The following PAIP2B variants were observed in gnomAD, a reference collection of about 807,000 sequenced individuals.
PAIP2B encodes the protein polyadenylate-binding protein-interacting protein 2B.
In PAIP2B, 13 loss-of-function variants were observed where a neutral mutation model predicts 17.0. That is an observed-to-expected ratio of 0.76 (90% CI 0.50 to 1.22). PAIP2B has a LOEUF of 1.22. PAIP2B is among the 50% of genes most tolerant of loss of function. PAIP2B has a pLI of 0.00. For missense variants in PAIP2B, 117 were observed against 144.5 expected, an observed-to-expected ratio of 0.81 and a Z score of 0.98; for synonymous variants, 43 against 48.7, an observed-to-expected ratio of 0.88 and a Z score of 0.48.
intron 1 of PAIP2B, among the ~76,000 whole-genome samples, chr2:71,212,504 AG>A (rs1044523119): frequency 5.3e-5 from 8 of 152,242 alleles, no homozygotes; most frequent in Admixed American, 3.9e-4. Flanking sequence ...CTTAGGGGTT[AG>A]GATCTGTAAG....
chr2:71,215,598 T>C (rs937518583), intron 1 of PAIP2B, among the ~76,000 whole-genome samples: 4 of 152,198 alleles, frequency 2.6e-5, no homozygotes, highest in African/African-American at 9.7e-5. Flanking sequence ...CTTCAAACAG[T>C]CTAGGCTGAA....
At chr2:71,208,733 T>C (rs1675210549) in intron 1 of PAIP2B, among the ~76,000 whole-genome samples, 1 of 151,974 alleles carries the variant, frequency 6.6e-6, no homozygotes, top group African/African-American at 2.4e-5. Flanking sequence ...AATTCAATGA[T>C]AGGTATATAA....
At position 71,185,821 on chromosome 2, in the gene PAIP2B, G is replaced by GTT. The variant is rs71400985; in HGVS notation, c.*2656_*2657dup. The GTT allele has an allele frequency of 6.6e-6, 1 of 151,894 alleles. No homozygotes were observed. The highest frequency in any genetic ancestry group is 2.4e-5 in the African/African-American group (1 of 41,308). 9.4% of individuals were successfully genotyped at this position (151,894 alleles called of 1,614,324 possible). ...AGAAACTGAAAATGCATTCATTTGG[G>GTT]TTTTTTCCCTTGAAAAGAAAGAGAT... On this transcript the variant is annotated 3_prime_UTR_variant, in exon 4 of 4. Coordinates refer to ENST00000244221, the MANE Select transcript of PAIP2B (RefSeq NM_020459.1).
chr2:71,207,505 G>C (rs968790863), intron 1 of PAIP2B, among the ~76,000 whole-genome samples: 1 of 152,110 alleles, frequency 6.6e-6, no homozygotes, highest in Non-Finnish European at 1.5e-5. Flanking sequence ...AAGGAGTTCT[G>C]AAACTCCTTA....
chr2:71,202,074 C>T (rs574658447), intron 2 of PAIP2B, among the ~76,000 whole-genome samples: 5 of 152,342 alleles, frequency 3.3e-5, no homozygotes, highest in African/African-American at 1.2e-4. Flanking sequence ...CAGGGACCCT[C>T]TGCAGTAGTT....
At chr2:71,199,385 G>A (rs947920165) in intron 2 of PAIP2B, among the ~76,000 whole-genome samples, 1 of 149,844 alleles carries the variant, frequency 6.7e-6, no homozygotes, top group Non-Finnish European at 1.5e-5. Flanking sequence ...GACACCCAAC[G>A]GGAAAATGAC....
intron 1 of PAIP2B, 101 bp from the exon 2 acceptor site, chr2:71,202,701 TC>T: frequency 1.9e-6 from 2 of 1,056,458 alleles, no homozygotes; most frequent in South Asian, 1.6e-5. Flanking sequence ...AAATTCTAAG[TC>T]AAAGATTTTA....
chr2:71,208,388 A>G (rs898024736), intron 1 of PAIP2B, among the ~76,000 whole-genome samples: 5 of 151,740 alleles, frequency 3.3e-5, no homozygotes, highest in African/African-American at 7.3e-5. Flanking sequence ...GCGCCATCGC[A>G]CTCCAGACTG....
At position 71,184,100 on chromosome 2, in the gene PAIP2B, C is replaced by A. The variant is rs1380205211; in HGVS notation, c.*4379G>T. On this transcript the variant is annotated 3_prime_UTR_variant, in exon 4 of 4. Transcript: ENST00000244221. ...ACATTTTAGTAACTGTACACTAGTACAATGTTTTTAAGATTTTATCTCATT... is the reference window on the plus strand; with the variant it reads ...ACATTTTAGTAACTGTACACTAGTAAAATGTTTTTAAGATTTTATCTCATT... The A allele has an allele frequency of 2.0e-5, 3 of 152,054 alleles. No individual in the cohort carries two copies. The highest frequency in any genetic ancestry group is 4.4e-5 in the Non-Finnish European group (3 of 68,028). 9.4% of individuals were successfully genotyped at this position (152,054 alleles called of 1,614,324 possible).
At position 71,199,867 on chromosome 2, in the gene PAIP2B, GT is replaced by G. The variant is rs551905061; in HGVS notation, c.138+2584del. ...ATAGCAAGACCCCATTTCTTAAAAA[GT>G]TTTGTATGTGTGTGGGTGTTGGAGG... On this transcript the variant is annotated intron_variant, in intron 2 of 3. Transcript: ENST00000244221. Among the ~76,000 whole-genome samples the G allele has an allele frequency of 4.6e-5, 7 of 152,176 alleles. No individual in the cohort carries two copies. In the South Asian group the frequency reaches 1.4e-3, roughly 32 times the overall value.
chr2:71,208,975 T>C (rs1675218400), intron 1 of PAIP2B, among the ~76,000 whole-genome samples: 1 of 152,188 alleles, frequency 6.6e-6, no homozygotes, highest in Non-Finnish European at 1.5e-5. Context: ...AAATGTTGTT[T>C]TAAGATACCA....
At chr2:71,209,364 C>T (rs1410919415) in intron 1 of PAIP2B, among the ~76,000 whole-genome samples, 4 of 152,170 alleles carry the variant, frequency 2.6e-5, no homozygotes, top group Admixed American at 2.6e-4. Context: ...ACAGGTTATA[C>T]ATACAGGAGG....
chr2:71,196,237 A>G (rs1277723658), intron 2 of PAIP2B, among the ~76,000 whole-genome samples: 1 of 152,082 alleles, frequency 6.6e-6, no homozygotes, highest in Non-Finnish European at 1.5e-5. Flanking sequence ...CTTATTTTCA[A>G]ATAACTTGAT....
At chr2:71,202,313 G>A (rs1426830917) in intron 2 of PAIP2B, 139 bp downstream of exon 2, 3 of 1,042,400 alleles carry the variant, frequency 2.9e-6, no homozygotes, top group East Asian at 2.5e-5. Context: ...CATTCCAGAT[G>A]AGGCCCCCCA....
chr2:71,222,667 C>T (rs1224663152), intron 1 of PAIP2B, among the ~76,000 whole-genome samples: 1 of 152,176 alleles, frequency 6.6e-6, no homozygotes, highest in African/African-American at 2.4e-5. Context: ...CTCTTTCTTG[C>T]AACCCACCAG....
chr2:71,189,798 T>C, intron 3 of PAIP2B, 47 bp downstream of exon 3: 1 of 1,483,456 alleles, frequency 6.7e-7, no homozygotes, highest in Non-Finnish European at 9.1e-7. Context: ...TTCCAAATCC[T>C]ATATTCTTTT....
At chr2:71,195,948 C>T (rs1367737898) in intron 2 of PAIP2B, among the ~76,000 whole-genome samples, 1 of 152,058 alleles carries the variant, frequency 6.6e-6, no homozygotes, top group Non-Finnish European at 1.5e-5. Context: ...ATTTCATTAA[C>T]TTTTTTCAAA....
intron 1 of PAIP2B, among the ~76,000 whole-genome samples, chr2:71,213,438 G>T (rs140279878): frequency 6.6e-6 from 1 of 152,156 alleles, no homozygotes; most frequent in Non-Finnish European, 1.5e-5. Flanking sequence ...GGAGAAAGAG[G>T]GTCCTTGAGG....
chr2:71,201,005 GT>G (rs1674967623), intron 2 of PAIP2B, among the ~76,000 whole-genome samples: 1 of 23,792 alleles, frequency 4.2e-5, no homozygotes, highest in Non-Finnish European at 8.4e-5. Context: ...CTTTGTGTGT[GT>G]GGGTGTGTGT....
Sources: allele counts gnomAD v4.1 joint callset (sites outside exome capture counted in the v4.1 genomes callset), GRCh38; gene constraint gnomAD v4.1.1; transcripts MANE v1.5; gene names NCBI Gene and HGNC (gene_info 2026-07-23, HGNC 2026-07-21).